The following SLC16A5 variants were observed in gnomAD, a reference collection of about 807,000 sequenced individuals.
SLC16A5 encodes the protein solute carrier family 16 member 5, also known as monocarboxylate transporter 6.
SLC16A5 carries 29 observed loss-of-function variants against 33.2 expected under a neutral mutation model. The observed-to-expected ratio is 0.87, with a 90% CI of 0.65 to 1.19. The LOEUF is 1.19. Ranked by LOEUF, SLC16A5 falls within the 50% of genes most tolerant of loss-of-function variation. The pLI, the probability that SLC16A5 is intolerant of heterozygous loss-of-function variation, is 0.00. For synonymous variants in SLC16A5, 248 were observed against 284.1 expected (o/e 0.87, Z 1.28); for missense variants, 606 against 678.2 (o/e 0.89, Z 1.18).
intron 5 of SLC16A5, among the ~76,000 whole-genome samples, chr17:75,103,476 C>T (rs1354789861): frequency 6.6e-6 from 1 of 151,442 alleles, no homozygotes; most frequent in African/African-American, 2.4e-5. Flanking sequence ...ATTACAGGTA[C>T]CTGCCCCCAC....
Position 75,100,384 on chromosome 17 carries a change from T to C in SLC16A5, c.721T>C (p.Tyr241His). ...ILRHNTGYCV[Y>H]ILGVMWSVLG... ...GCGGCACAACACAGGCTACTGCGTG[T>C]ACATACTGGGTGTGATGTGGTCCGT... The change falls in exon 5 of 7, where the codon TAC (tyrosine) becomes CAC (histidine). Residue 241 changes from tyrosine to histidine, a missense_variant. Coordinates refer to ENST00000329783, the MANE Select transcript of SLC16A5 (RefSeq NM_004695.4). 1 of 1,614,222 alleles carries C rather than the reference T, an allele frequency of 6.2e-7. No homozygotes were observed.
At chr17:75,098,215 A>G (rs1420109811) in intron 4 of SLC16A5, 34 bp downstream of exon 4, 14 of 1,608,998 alleles carry the variant, frequency 8.7e-6, no homozygotes, top group Non-Finnish European at 1.2e-5. Flanking sequence ...ATTTATAGGC[A>G]CCTGCTAGAA....
intron 2 of SLC16A5, 124 bp from the exon 3 acceptor site, chr17:75,093,465 C>T: frequency 6.5e-7 from 1 of 1,536,166 alleles, no homozygotes; most frequent in Non-Finnish European, 8.7e-7. Flanking sequence ...GGTGGTGCCC[C>T]TCTGTGACAC....
chr17:75,110,052 C>T (rs1673847177), downstream of SLC16A5: 3 of 510,254 alleles, frequency 5.9e-6, no homozygotes, highest in Non-Finnish European at 1.0e-5. Flanking sequence ...GTCTCCCGCG[C>T]CCCAATTTCG....
chr17:75,101,561 GAAAAAAAAAAAA>G (rs531652324), intron 5 of SLC16A5, among the ~76,000 whole-genome samples: 1 of 45,660 alleles, frequency 2.2e-5, no homozygotes, highest in Non-Finnish European at 4.5e-5. Flanking sequence ...GACTCCATCT[GAAAAAAAAAAAA>G]AAAAAAAAAA....
downstream of SLC16A5, among the ~76,000 whole-genome samples, chr17:75,107,772 A>G (rs1020498378): frequency 4.6e-5 from 7 of 152,332 alleles, no homozygotes; most frequent in East Asian, 1.2e-3. Context: ...CCTCGTCTCT[A>G]TTAAAAATAC....
chr17:75,092,752 G>A (rs2073656864), intron 2 of SLC16A5, among the ~76,000 whole-genome samples: 1 of 151,820 alleles, frequency 6.6e-6, no homozygotes, highest in Non-Finnish European at 1.5e-5. Context: ...TTCTGTGCTT[G>A]TCTGTGTGAG....
chr17:75,109,399 G>A (rs58015968), downstream of SLC16A5, among the ~76,000 whole-genome samples: 2,320 of 152,292 alleles, frequency 0.015, 57 homozygotes, highest in African/African-American at 0.053. The surrounding 1 kb of genome is among the most constrained non-coding windows in gnomAD (Gnocchi z 5.0). Flanking sequence ...ACTGATGGGG[G>A]GCGTAAGGAG....
chr17:75,105,308 G>A, intron 6 of SLC16A5: 1 of 985,466 alleles, frequency 1.0e-6, no homozygotes, highest in Non-Finnish European at 1.2e-6. Context: ...CCTTGGCGGG[G>A]AGGATTAGTG....
chr17:75,092,163 TTGTG>T (rs999387094), intron 2 of SLC16A5, among the ~76,000 whole-genome samples: 5 of 151,874 alleles, frequency 3.3e-5, no homozygotes, highest in East Asian at 1.9e-4. Context: ...CTCTCTGTGT[TTGTG>T]TGTAACTGTG....
intron 2 of SLC16A5, chr17:75,090,053 C>G (rs1286232778): frequency 6.6e-6 from 1 of 151,354 alleles, no homozygotes; most frequent in Non-Finnish European, 1.5e-5. Context: ...AGTGCAGTGA[C>G]GTGATCTCGG....
rs1456915301 is a variant in SLC16A5 at position 75,105,996 on chromosome 17, C to T, written c.1481C>T (p.Ala494Val). Residue 494 changes from alanine (A) to valine (V), a missense_variant, in exon 7 of 7, where the codon GCC becomes GTC. Physicochemically the swap from Ala to Val is moderately conservative, Grantham distance 64. Transcript: ENST00000329783. ...TTATGGCCAAAGGCGGTACTGCAGG[C>T]CAAGCAAACGGCTCTGGGCTGGAAT... is the stretch of plus-strand genomic sequence containing the variant. ...WLLWPKAVLQAKQTALGWNSP... is the reference protein window; with the variant it reads ...WLLWPKAVLQVKQTALGWNSP... The T allele has an allele frequency of 6.2e-7, 1 of 1,603,892 alleles. No individual in the cohort carries two copies. The highest frequency in any genetic ancestry group is 1.1e-5 in the South Asian group (1 of 89,610).
Position 75,104,719 on chromosome 17 carries a change from G to A in SLC16A5, c.1364+539G>A, listed in dbSNP as rs1033330749. ...CCCACCTCAGCCTCCCAAAGTGCTGGGATTACAGGCGTGAGCCACCGTGCC... is the reference window on the plus strand; with the variant it reads ...CCCACCTCAGCCTCCCAAAGTGCTGAGATTACAGGCGTGAGCCACCGTGCC... On this transcript the variant is annotated intron_variant, in intron 6 of 6. Coordinates refer to ENST00000329783, the MANE Select transcript of SLC16A5 (RefSeq NM_004695.4). The A allele has an allele frequency of 2.3e-5, 22 of 973,484 alleles. No homozygotes were observed. The African/African-American group carries it at 3.9e-4, about 17-fold the overall frequency. The allele number at this position is 973,484 out of a possible 1,614,324, so 60.3% of individuals were successfully genotyped here. A position where few individuals can be genotyped will look rare whatever the true frequency, so the allele number is the denominator to read the frequency against.
intron 2 of SLC16A5, among the ~76,000 whole-genome samples, chr17:75,091,257 G>C (rs532755419): frequency 6.6e-6 from 1 of 152,220 alleles, no homozygotes; most frequent in Non-Finnish European, 1.5e-5. Flanking sequence ...CCTTGACATC[G>C]GGGCAACACA....
Position 75,093,716 on chromosome 17 carries a change from C to A in SLC16A5, c.80C>A (p.Thr27Asn), listed in dbSNP as rs1439754585. 2 of 1,613,896 alleles carry A rather than the reference C, an allele frequency of 1.2e-6. No individual in the cohort carries two copies. The highest frequency in any genetic ancestry group is 2.7e-5 in the African/African-American group (2 of 74,916). Residue 27 changes from threonine (T) to asparagine (N), a missense_variant, in exon 3 of 7, where the codon ACC becomes AAC. Coordinates refer to ENST00000329783, the MANE Select transcript of SLC16A5 (RefSeq NM_004695.4). ...LLATMVTQGL[T>N]LGFPTCIGIF... ...GCCACCATGGTGACCCAGGGCCTCA[C>A]CCTGGGCTTCCCCACGTGTATCGGC... is the stretch of plus-strand genomic sequence containing the variant.
intron 2 of SLC16A5, among the ~76,000 whole-genome samples, chr17:75,092,822 CGTGTGTGTGTGTGTGTGTGT>C (rs10541835): frequency 7.4e-6 from 1 of 135,974 alleles, no homozygotes; most frequent in Non-Finnish European, 1.6e-5. Context: ...TGTGCCACTG[CGTGTGTGTGTGTGTGTGTGT>C]GTGTGTGTGT....
downstream of SLC16A5, chr17:75,110,098 C>CCG (rs1412057749): frequency 6.7e-6 from 4 of 593,920 alleles, no homozygotes; most frequent in Non-Finnish European, 1.2e-5. Context: ...TTCTGAGACC[C>CCG]CGTCCCATCT....
chr17:75,099,951 G>A, intron 4 of SLC16A5, 56 bp from the exon 5 acceptor site: 2 of 1,517,146 alleles, frequency 1.3e-6, no homozygotes, highest in Non-Finnish European at 1.8e-6. Flanking sequence ...CCACCCCTGG[G>A]TGCAGGTGGA....
At chr17:75,109,568 C>T (rs948761678), downstream of SLC16A5, among the ~76,000 whole-genome samples, 6 of 152,186 alleles carry the variant, frequency 3.9e-5, no homozygotes, top group Non-Finnish European at 8.8e-5. The surrounding 1 kb of genome is among the most constrained non-coding windows in gnomAD (Gnocchi z 5.0). Flanking sequence ...GAATTCCAGC[C>T]ACCCGACATG....
Sources: allele counts gnomAD v4.1 joint callset (sites outside exome capture counted in the v4.1 genomes callset), GRCh38; gene constraint gnomAD v4.1.1; non-coding constraint Gnocchi (gnomAD v3.1); transcripts MANE v1.5; gene names NCBI Gene and HGNC (gene_info 2026-07-23, HGNC 2026-07-21).